NETO1: variants seen among roughly 807,000 people sequenced by gnomAD.
NETO1 encodes neuropilin and tolloid-like protein 1.
A neutral mutation model predicts 61.3 loss-of-function variants in NETO1; 26 were observed. The ratio of observed to expected loss-of-function variants is 0.42; its 90% CI spans 0.31 to 0.59. The LOEUF is 0.59. NETO1 is among the 20% of genes least tolerant of loss of function. The pLI, the probability that NETO1 is intolerant of heterozygous loss-of-function variation, is 0.12. For missense variants in NETO1, 531 were observed against 662.8 expected, an observed-to-expected ratio of 0.80 and a Z score of 2.18; for synonymous variants, 225 against 225.8, an observed-to-expected ratio of 1.00 and a Z score of 0.03.
intron 4 of NETO1, among the ~76,000 whole-genome samples, chr18:72,856,802 A>G (rs1164125583): frequency 1.3e-5 from 2 of 152,214 alleles, no homozygotes; most frequent in South Asian, 2.1e-4. Flanking sequence ...GTAACGCTTC[A>G]TAACATAAAT....
At chr18:72,815,945 T>A (rs937430915) in intron 4 of NETO1, among the ~76,000 whole-genome samples, 4 of 152,152 alleles carry the variant, frequency 2.6e-5, no homozygotes, top group Admixed American at 2.6e-4. Flanking sequence ...CTCAACAGAA[T>A]GTTGAAAATG....
chr18:72,776,760 C>G (rs988050439), intron 7 of NETO1, among the ~76,000 whole-genome samples: 1 of 152,130 alleles, frequency 6.6e-6, no homozygotes, highest in African/African-American at 2.4e-5. Context: ...GCAGATCTCA[C>G]CATATATATT....
At chr18:72,831,071 G>C (rs187350857) in intron 4 of NETO1, among the ~76,000 whole-genome samples, 28 of 151,918 alleles carry the variant, frequency 1.8e-4, no homozygotes, top group Non-Finnish European at 3.7e-4. Flanking sequence ...TGCTCTTCTG[G>C]CCAGCCATTT....
rs539581894 is a variant in NETO1, at chr18:72,762,487, TGTATAA to T, written c.869-6346_869-6341del. ...GAGAAATTTTCCATATATACTTTTATGTATAAGTATATGTATATATACATTAAAAAC... is the reference window on the plus strand; with the variant it reads ...GAGAAATTTTCCATATATACTTTTATGTATATGTATATATACATTAAAAAC... On this transcript the variant is annotated intron_variant, in intron 7 of 10. Coordinates refer to ENST00000327305, the MANE Select transcript of NETO1 (RefSeq NM_138966.5). 4.5e-3 allele frequency among the ~76,000 whole-genome samples: 690 copies of T among 152,306 alleles called. 5 individuals carry two copies. The highest frequency in any genetic ancestry group is 0.015 in the African/African-American group (631 of 41,556).
intron 1 of NETO1, among the ~76,000 whole-genome samples, chr18:72,866,031 T>C (rs1277069035): frequency 1.3e-5 from 2 of 152,212 alleles, no homozygotes; most frequent in African/African-American, 4.8e-5. Flanking sequence ...GCAATGCCAT[T>C]ATAATCTAAA....
chr18:72,775,849 C>A (rs1243464155), intron 7 of NETO1, among the ~76,000 whole-genome samples: 1 of 151,944 alleles, frequency 6.6e-6, no homozygotes, highest in Non-Finnish European at 1.5e-5. Flanking sequence ...CTTCAATGAA[C>A]CCTTTTTTTT....
Position 72,747,572 on chromosome 18 carries a change from A to T in NETO1, c.*607T>A, listed in dbSNP as rs1046058735. 6.6e-5 allele frequency: 10 copies of T among 152,054 alleles called. No homozygotes were observed. The highest frequency in any genetic ancestry group is 3.8e-4 in the East Asian group (2 of 5,198). The allele number at this position is 152,054 out of a possible 1,614,324, so 9.4% of individuals were successfully genotyped here. A position where few individuals can be genotyped will look rare whatever the true frequency, so the allele number is the denominator to read the frequency against. ...GTATACAGGAAAGACCAAAAAATGA[A>T]TTTTTTTATTGCAATCTAGTAATTT... On this transcript the variant is annotated 3_prime_UTR_variant, in exon 11 of 11. Coordinates refer to ENST00000327305, the MANE Select transcript of NETO1 (RefSeq NM_138966.5).
At chr18:72,845,012 C>T (rs954882581) in intron 4 of NETO1, among the ~76,000 whole-genome samples, 4 of 152,310 alleles carry the variant, frequency 2.6e-5, no homozygotes, top group African/African-American at 9.6e-5. Context: ...CATGCCATGG[C>T]GCTCACCAAA....
In NETO1 at chr18:72,757,784, A is replaced by C. The variant is rs1599099844; in HGVS notation, c.869-1637T>G. On this transcript the variant is annotated intron_variant, in intron 7 of 10. Transcript: ENST00000327305. ...AATTTGAATTTCTGTAGCTGACTAT[A>C]ATGGCTTTTGCAGAATTGATAAGGT... is the stretch of plus-strand genomic sequence containing the variant. Among the ~76,000 whole-genome samples the C allele has an allele frequency of 2.0e-5, 3 of 152,172 alleles. No homozygotes were observed. The East Asian group carries it at 5.8e-4, about 29-fold the overall frequency.
In NETO1 at chr18:72,830,131, A is replaced by C. The variant is rs2073526419; in HGVS notation, c.469+28695T>G. Among the ~76,000 whole-genome samples the C allele has an allele frequency of 1.3e-5, 2 of 152,102 alleles. No individual in the cohort carries two copies. The highest frequency in any genetic ancestry group is 4.8e-5 in the African/African-American group (2 of 41,416). ...CTGAAATATGAAGGAAGTACTATAA[A>C]ACCTATGGCTTTATCATCATAGAGG... is the stretch of plus-strand genomic sequence containing the variant. On this transcript the variant is annotated intron_variant, in intron 4 of 10. Coordinates refer to ENST00000327305, the MANE Select transcript of NETO1 (RefSeq NM_138966.5). This position sits in a 1 kb window ranked among gnomAD's most constrained non-coding sequence, Gnocchi z 4.9.
In NETO1 at chr18:72,858,974, A is replaced by G; in HGVS notation, c.321T>C (p.Pro107=). 6 of 1,613,908 alleles carry G rather than the reference A, an allele frequency of 3.7e-6. No homozygotes were observed. Among genetic ancestry groups the G allele is most frequent in the Non-Finnish European group, 5.1e-6 (6 of 1,179,864 alleles). Reference sequence around the variant, plus strand: ...GTCCAATTATTGGAGAAAAGCCAAAAGGTCCATCTCGAACTTCAATATGAT... The same window carrying G: ...GTCCAATTATTGGAGAAAAGCCAAAGGGTCCATCTCGAACTTCAATATGAT... ...KFDHIEVRDG[P]FGFSPIIGRF... Residue 107 remains proline (P), a synonymous_variant, in exon 4 of 11, where the codon CCT becomes CCC. Coordinates refer to ENST00000327305, the MANE Select transcript of NETO1 (RefSeq NM_138966.5).
chr18:72,778,936 G>A (rs760844388), intron 7 of NETO1, among the ~76,000 whole-genome samples: 4 of 152,040 alleles, frequency 2.6e-5, no homozygotes, highest in Non-Finnish European at 5.9e-5. Flanking sequence ...ATGTCCACTT[G>A]GGCTGCTAGA....
chr18:72,813,066 A>G (rs1044096140), intron 4 of NETO1, among the ~76,000 whole-genome samples: 1 of 152,168 alleles, frequency 6.6e-6, no homozygotes, highest in Non-Finnish European at 1.5e-5. Flanking sequence ...AGGGAGATTC[A>G]CCACCACTTA....
chr18:72,830,508 G>A lies in NETO1; in HGVS notation c.469+28318C>T, dbSNP rs1469235549. Among the ~76,000 whole-genome samples the A allele has an allele frequency of 6.6e-6, 1 of 152,128 alleles. No individual in the cohort carries two copies. Among genetic ancestry groups the A allele is most frequent in the Non-Finnish European group, 1.5e-5 (1 of 68,016 alleles). On this transcript the variant is annotated intron_variant, in intron 4 of 10. Transcript: ENST00000327305. This position sits in a 1 kb window ranked among gnomAD's most constrained non-coding sequence, Gnocchi z 4.9. The stretch of plus-strand genomic sequence containing the variant: ...AAACACAAATGACAAAAATAACAAT[G>A]ATCATAAGGTCTGAGGGTTGGCTTA...
intron 4 of NETO1, among the ~76,000 whole-genome samples, chr18:72,796,776 T>A (rs961956992): frequency 3.9e-5 from 6 of 151,978 alleles, no homozygotes; most frequent in South Asian, 2.1e-4. Context: ...AAATAGATTT[T>A]AAAAAATCTT....
intron 4 of NETO1, among the ~76,000 whole-genome samples, chr18:72,849,526 C>T (rs997902690): frequency 2.6e-5 from 4 of 152,180 alleles, no homozygotes; most frequent in African/African-American, 7.2e-5. Flanking sequence ...GCAATATAGA[C>T]GTTTTTCTAA....
intron 8 of NETO1, among the ~76,000 whole-genome samples, chr18:72,755,078 C>G (rs576565799): frequency 6.6e-6 from 1 of 152,294 alleles, no homozygotes; most frequent in South Asian, 2.1e-4. Flanking sequence ...CATCCATTCA[C>G]ATTTGTTGCA....
At position 72,865,679 on chromosome 18, in the gene NETO1, G is replaced by T. The variant is rs2145701597; in HGVS notation, c.29-438C>A. On this transcript the variant is annotated intron_variant, in intron 1 of 10. Coordinates refer to ENST00000327305, the MANE Select transcript of NETO1 (RefSeq NM_138966.5). ...TGAGAACAGCTCCATGACTGTTCCT[G>T]ACATACTGCAGTGTGGCTGTATTTT... The T allele has an allele frequency of 1.9e-6, 3 of 1,562,192 alleles. No homozygotes were observed. In the South Asian group the frequency reaches 3.5e-5, roughly 18 times the overall value.
chr18:72,805,484 A>G (rs2145163213), intron 4 of NETO1, among the ~76,000 whole-genome samples: 1 of 152,352 alleles, frequency 6.6e-6, no homozygotes, highest in South Asian at 2.1e-4. Flanking sequence ...TATGTACCAG[A>G]TATTATTTTA....
Sources: allele counts gnomAD v4.1 joint callset (sites outside exome capture counted in the v4.1 genomes callset), GRCh38; gene constraint gnomAD v4.1.1; non-coding constraint Gnocchi (gnomAD v3.1); transcripts MANE v1.5; gene names NCBI Gene and HGNC (gene_info 2026-07-23, HGNC 2026-07-21).